Variants in KANSL1L observed in about 807,000 individuals in gnomAD.
KANSL1L encodes KAT8 regulatory NSL complex subunit 1 like, also known as KAT8 regulatory NSL complex subunit 1-like protein.
Under a neutral mutation model 108.6 loss-of-function variants are expected in KANSL1L, and 25 were observed. That is an observed-to-expected ratio of 0.23 (90% CI 0.17 to 0.32). The LOEUF (loss-of-function observed/expected upper bound fraction) is 0.32, where lower values mean the gene tolerates loss of function less well. Among genes scored for constraint, KANSL1L ranks in the 10% least tolerant of loss-of-function variants. The pLI is 1.00. For synonymous variants in KANSL1L, 405 were observed against 395.1 expected (o/e 1.03, Z -0.30); for missense variants, 1,137 against 1,125.7 (o/e 1.01, Z -0.14).
At chr2:210,120,042 T>C (rs546384377) in intron 3 of KANSL1L, among the ~76,000 whole-genome samples, 4 of 152,282 alleles carry the variant, frequency 2.6e-5, no homozygotes, top group African/African-American at 9.6e-5. Context: ...TACAACTGTC[T>C]GATCTTCAAC....
chr2:210,146,483 C>T (rs2095266869), intron 2 of KANSL1L, among the ~76,000 whole-genome samples: 1 of 152,152 alleles, frequency 6.6e-6, no homozygotes, highest in Admixed American at 6.5e-5. Flanking sequence ...TGCAAAAGGG[C>T]TTTACTATTC....
intron 9 of KANSL1L, chr2:210,030,816 T>TCCTA (rs2094006335): frequency 6.6e-6 from 1 of 152,110 alleles, no homozygotes; most frequent in Admixed American, 6.6e-5. Flanking sequence ...GGACCAGATG[T>TCCTA]CCTACCCTTT....
chr2:210,128,578 C>G (rs2095090355), intron 3 of KANSL1L, among the ~76,000 whole-genome samples: 1 of 151,916 alleles, frequency 6.6e-6, no homozygotes. Context: ...GACATAGTTG[C>G]CAGGGGTTGA....
At chr2:210,057,884 A>G (rs2094371023) in intron 6 of KANSL1L, among the ~76,000 whole-genome samples, 1 of 152,148 alleles carries the variant, frequency 6.6e-6, no homozygotes. Flanking sequence ...CATCTTCGTA[A>G]GCTGAGGAGG....
intron 3 of KANSL1L, among the ~76,000 whole-genome samples, chr2:210,122,635 A>G (rs1189806462): frequency 2.0e-5 from 3 of 152,196 alleles, no homozygotes; most frequent in African/African-American, 7.2e-5. Flanking sequence ...TTCTTAAGTA[A>G]TACCCCACAA....
intron 7 of KANSL1L, among the ~76,000 whole-genome samples, chr2:210,042,393 AG>A (rs1351052021): frequency 1.3e-5 from 2 of 152,194 alleles, no homozygotes; most frequent in Non-Finnish European, 2.9e-5. Context: ...CATTTATTAG[AG>A]GGGGCATAAG....
chr2:210,155,210 G>T (rs1028651432), intron 1 of KANSL1L: 1 of 152,146 alleles, frequency 6.6e-6, no homozygotes, highest in East Asian at 1.9e-4. Context: ...TCAGGAGTTC[G>T]AGATCAGCAT....
chr2:210,137,845 G>T (rs578106958), intron 2 of KANSL1L, among the ~76,000 whole-genome samples: 1 of 152,102 alleles, frequency 6.6e-6, no homozygotes, highest in East Asian at 1.9e-4. Flanking sequence ...AGACTAAGCA[G>T]CACAGCAAAA....
At chr2:210,127,818 A>AAAAAG (rs2095081841) in intron 3 of KANSL1L, among the ~76,000 whole-genome samples, 1 of 150,204 alleles carries the variant, frequency 6.7e-6, no homozygotes, top group Admixed American at 6.6e-5. Flanking sequence ...AAAAAAAAAA[A>AAAAAG]AAAGCAACAC....
intron 2 of KANSL1L, among the ~76,000 whole-genome samples, chr2:210,145,838 T>C (rs1306946528): frequency 6.6e-6 from 1 of 152,130 alleles, no homozygotes; most frequent in Non-Finnish European, 1.5e-5. Context: ...AGAGTATGCA[T>C]AGTGGGACAG....
intron 1 of KANSL1L, among the ~76,000 whole-genome samples, chr2:210,157,199 C>A (rs542065963): frequency 3.2e-4 from 48 of 152,088 alleles, no homozygotes; most frequent in Non-Finnish European, 6.5e-4. Context: ...GCTTTAATCA[C>A]GCTTCTTGTT....
intron 6 of KANSL1L, among the ~76,000 whole-genome samples, chr2:210,070,386 C>T (rs1192414753): frequency 2.0e-5 from 3 of 151,764 alleles, no homozygotes; most frequent in South Asian, 2.1e-4. Context: ...CCCGCCACAA[C>T]GCCCAGCTAA....
intron 1 of KANSL1L, among the ~76,000 whole-genome samples, chr2:210,156,782 G>C (rs1029195399): frequency 6.6e-6 from 1 of 151,866 alleles, no homozygotes; most frequent in Non-Finnish European, 1.5e-5. Context: ...TTACTTGAGG[G>C]GAAAAGACTA....
chr2:210,157,691 G>GAAAA (rs56676129), intron 1 of KANSL1L, among the ~76,000 whole-genome samples: 10 of 47,210 alleles, frequency 2.1e-4, no homozygotes, highest in Non-Finnish European at 3.7e-4. Flanking sequence ...CACTGTCACA[G>GAAAA]AAAAAAAAAA....
At chr2:210,075,496 T>G in intron 6 of KANSL1L, 56 bp downstream of exon 6, 64 of 1,145,384 alleles carry the variant, frequency 5.6e-5, no homozygotes, top group Non-Finnish European at 7.5e-5. Flanking sequence ...TTCTCATGCA[T>G]GAAATATGCT....
intron 1 of KANSL1L, among the ~76,000 whole-genome samples, chr2:210,161,059 G>T (rs2095358899): frequency 6.6e-6 from 1 of 150,782 alleles, no homozygotes; most frequent in South Asian, 2.1e-4. Context: ...CGTGATCTCG[G>T]CTCACCGCAA....
At chr2:210,058,270 C>G (rs978441681) in intron 6 of KANSL1L, among the ~76,000 whole-genome samples, 1 of 152,136 alleles carries the variant, frequency 6.6e-6, no homozygotes, top group African/African-American at 2.4e-5. Context: ...CACTCCCAGG[C>G]TTATTAGGAT....
chr2:210,117,216 G>T (rs1225425997), intron 3 of KANSL1L, among the ~76,000 whole-genome samples: 1 of 151,880 alleles, frequency 6.6e-6, no homozygotes, highest in Non-Finnish European at 1.5e-5. Context: ...AAAGAAAAAA[G>T]AATAAAAAGT....
chr2:210,125,120 G>A (rs1175825519), intron 3 of KANSL1L, among the ~76,000 whole-genome samples: 1 of 152,114 alleles, frequency 6.6e-6, no homozygotes, highest in Non-Finnish European at 1.5e-5. Flanking sequence ...TGGATGTGGT[G>A]GCGGGTGCCT....
Sources: allele counts gnomAD v4.1 joint callset (sites outside exome capture counted in the v4.1 genomes callset), GRCh38; gene constraint gnomAD v4.1.1; transcripts MANE v1.5; gene names NCBI Gene and HGNC (gene_info 2026-07-23, HGNC 2026-07-21).